Variants in RBMS3 observed in about 807,000 individuals in gnomAD.
RBMS3 encodes RNA binding motif single stranded interacting protein 3.
In RBMS3, 27 loss-of-function variants were observed where a neutral mutation model predicts 66.8. That is an observed-to-expected ratio of 0.40 (90% CI 0.30 to 0.56). RBMS3 has a LOEUF of 0.56. Ranked by LOEUF, RBMS3 falls within the 20% of genes least tolerant of loss-of-function variation. The pLI, the probability that RBMS3 is intolerant of heterozygous loss-of-function variation, is 0.40. For synonymous variants in RBMS3, 188 were observed against 183.0 expected (o/e 1.03, Z -0.22); for missense variants, 513 against 549.5 (o/e 0.93, Z 0.66).
chr3:29,416,440 A>T lies in RBMS3; in HGVS notation c.76-18303A>T, dbSNP rs186276773. Among the ~76,000 whole-genome samples the T allele has an allele frequency of 3.9e-5, 6 of 152,314 alleles. No individual in the cohort carries two copies. In the East Asian group the frequency reaches 7.7e-4, roughly 20 times the overall value. Reference sequence around the variant, plus strand: ...ATCCACATTCTTTCCTTAACTGGCAATGTGTTTCCATGGTTACATGGATTT... The same window carrying T: ...ATCCACATTCTTTCCTTAACTGGCATTGTGTTTCCATGGTTACATGGATTT... On this transcript the variant is annotated intron_variant, in intron 1 of 14. Coordinates refer to ENST00000383767, the MANE Select transcript of RBMS3 (RefSeq NM_001003793.3).
intron 6 of RBMS3, among the ~76,000 whole-genome samples, chr3:29,860,865 T>G (rs74751147): frequency 0.04 from 6,052 of 152,268 alleles, 170 homozygotes; most frequent in Non-Finnish European, 0.065. Flanking sequence ...AGGTTTCATT[T>G]GTTTCTTTTC....
At chr3:29,434,396 C>T (rs987099915) in intron 1 of RBMS3, among the ~76,000 whole-genome samples, 4 of 152,084 alleles carry the variant, frequency 2.6e-5, no homozygotes, top group Admixed American at 6.5e-5. Context: ...GAGTTTATTG[C>T]CAAAAGTGAC....
At chr3:29,733,946 G>A (rs773724729) in intron 4 of RBMS3, among the ~76,000 whole-genome samples, 3 of 151,878 alleles carry the variant, frequency 2.0e-5, no homozygotes, top group African/African-American at 7.3e-5. Context: ...TGAATTATAG[G>A]GGTCTAGTTT....
intron 13 of RBMS3, among the ~76,000 whole-genome samples, chr3:29,990,460 CA>C (rs10596526): frequency 0.34 from 36,117 of 105,658 alleles, 2,802 homozygotes; most frequent in African/African-American, 0.36. Flanking sequence ...CTGTGAGAAA[CA>C]AAAAAAAAAA....
intron 4 of RBMS3, among the ~76,000 whole-genome samples, chr3:29,666,905 C>T (rs1010099681): frequency 3.9e-5 from 6 of 152,064 alleles, no homozygotes; most frequent in Admixed American, 1.3e-4. Context: ...TTACGTAGCA[C>T]CTACTCACCT....
At chr3:29,869,013 C>T in intron 7 of RBMS3, 49 bp downstream of exon 7, 1 of 1,464,162 alleles carries the variant, frequency 6.8e-7, no homozygotes, top group Non-Finnish European at 9.2e-7. Context: ...AGTAGATATC[C>T]CTCAGAAGGT....
intron 4 of RBMS3, among the ~76,000 whole-genome samples, chr3:29,670,612 C>A (rs1459430848): frequency 6.6e-6 from 1 of 152,198 alleles, no homozygotes; most frequent in Non-Finnish European, 1.5e-5. Flanking sequence ...TATCTTGCAC[C>A]TGGCTCAGAG....
At chr3:29,815,518 G>A in intron 6 of RBMS3, among the ~76,000 whole-genome samples, 1 of 152,160 alleles carries the variant, frequency 6.6e-6, no homozygotes, top group South Asian at 2.1e-4. Flanking sequence ...TTATAATAGG[G>A]TTAAAATTAA....
At chr3:29,404,891 A>G (rs1463329855) in intron 1 of RBMS3, among the ~76,000 whole-genome samples, 6 of 152,160 alleles carry the variant, frequency 3.9e-5, no homozygotes, top group African/African-American at 1.2e-4. Flanking sequence ...AAAAATTGAC[A>G]AATAATATAG....
At chr3:29,604,491 TA>T (rs1177157606) in intron 4 of RBMS3, among the ~76,000 whole-genome samples, 1 of 151,950 alleles carries the variant, frequency 6.6e-6, no homozygotes, top group Non-Finnish European at 1.5e-5. Context: ...ATCCTTCCTA[TA>T]GAGTTCTGCA....
chr3:29,768,204 A>G (rs905771834), intron 6 of RBMS3, among the ~76,000 whole-genome samples: 2 of 151,944 alleles, frequency 1.3e-5, no homozygotes, highest in Non-Finnish European at 2.9e-5. Flanking sequence ...TGAAGAAAAC[A>G]CCTTTAAAAT....
In RBMS3 at chr3:29,693,335, T is replaced by C. The variant is rs575280371; in HGVS notation, c.400-46385T>C. Among the ~76,000 whole-genome samples the C allele has an allele frequency of 6.0e-4, 91 of 152,248 alleles. 1 individual carries two copies. Among genetic ancestry groups the C allele is most frequent in the Admixed American group, 3.3e-4 (5 of 15,288 alleles). On this transcript the variant is annotated intron_variant, in intron 4 of 14. Transcript: ENST00000383767. ...TTCTCTGGATAGTTAGAAAGATATTTTAAGGTGTTTCATGCCTGAGGAATA... is the reference window on the plus strand; with the variant it reads ...TTCTCTGGATAGTTAGAAAGATATTCTAAGGTGTTTCATGCCTGAGGAATA...
chr3:29,602,819 C>T (rs1021594272), intron 4 of RBMS3, among the ~76,000 whole-genome samples: 1 of 151,898 alleles, frequency 6.6e-6, no homozygotes, highest in Non-Finnish European at 1.5e-5. Context: ...TGATTATAAC[C>T]TATTGCTTGC....
chr3:29,650,761 A>G (rs1416764418), intron 4 of RBMS3, among the ~76,000 whole-genome samples: 1 of 152,208 alleles, frequency 6.6e-6, no homozygotes, highest in Non-Finnish European at 1.5e-5. Flanking sequence ...AGGCAGCACT[A>G]AAATAATCTT....
At chr3:29,452,376 C>T (rs1041646403) in intron 2 of RBMS3, among the ~76,000 whole-genome samples, 1 of 152,030 alleles carries the variant, frequency 6.6e-6, no homozygotes, top group Non-Finnish European at 1.5e-5. Flanking sequence ...TTTTTGGAGG[C>T]TTTGACCTGG....
chr3:29,288,563 A>G (rs530516386), intron 1 of RBMS3, among the ~76,000 whole-genome samples: 1 of 152,128 alleles, frequency 6.6e-6, no homozygotes, highest in East Asian at 1.9e-4. Context: ...ATGATGCTTT[A>G]CTTTTCCTCA....
chr3:29,623,608 A>G (rs952697180), intron 4 of RBMS3, among the ~76,000 whole-genome samples: 1 of 146,902 alleles, frequency 6.8e-6, no homozygotes. Context: ...AAAAAAAAAA[A>G]GGTATAAAAG....
chr3:29,295,049 GA>G (rs1290656506), intron 1 of RBMS3, among the ~76,000 whole-genome samples: 1 of 151,444 alleles, frequency 6.6e-6, no homozygotes, highest in Non-Finnish European at 1.5e-5. Context: ...ACTAATGCAA[GA>G]TAACGTTAGA....
intron 1 of RBMS3, among the ~76,000 whole-genome samples, chr3:29,306,049 A>G (rs1347107918): frequency 5.3e-5 from 8 of 151,942 alleles, no homozygotes; most frequent in African/African-American, 2.4e-5. Flanking sequence ...TCCCATGCCC[A>G]TCTGTTGCTT....
Sources: gnomAD v4.1 joint callset for allele counts (sites outside exome capture counted in the v4.1 genomes callset) on GRCh38, gnomAD v4.1.1 for gene constraint, MANE v1.5 for transcripts, NCBI Gene and HGNC (gene_info 2026-07-23, HGNC 2026-07-21) for gene names.